The following MPP7 variants were observed in gnomAD, a reference collection of about 807,000 sequenced individuals.
MPP7 encodes MAGUK p55 scaffold protein 7.
A neutral mutation model predicts 76.5 loss-of-function variants in MPP7; 60 were observed. The ratio of observed to expected loss-of-function variants is 0.78; its 90% CI spans 0.64 to 0.97. The LOEUF is 0.97. MPP7 is among the 50% of genes least tolerant of loss of function. The probability of loss-of-function intolerance (pLI) is 0.00; values close to 1 mark genes in which losing one functional copy is unlikely to be tolerated. For missense variants in MPP7, 641 were observed against 694.0 expected (o/e 0.92, Z 0.86); for synonymous variants, 237 against 244.5 (o/e 0.97, Z 0.29).
rs544739343 is a variant in MPP7, at chr10:28,333,065, G to A, written c.-206+1353C>T. ...GTCTGGGGACACAGGCTATGCTTAT[G>A]GCATTGTGAGAATTCTACTTAACTT... On this transcript the variant is annotated intron_variant, in intron 1 of 11. Coordinates refer to the MPP7 transcript ENST00000441595. 3.9e-5 allele frequency among the ~76,000 whole-genome samples: 6 copies of A among 152,220 alleles called. No homozygotes were observed. The South Asian group carries it at 6.2e-4, about 16-fold the overall frequency.
At chr10:28,159,453 A>T (rs1836183045) in intron 3 of MPP7, among the ~76,000 whole-genome samples, 1 of 152,250 alleles carries the variant, frequency 6.6e-6, no homozygotes, top group South Asian at 2.1e-4. Context: ...TATATTTTCC[A>T]AAATAAAAGT....
Position 28,193,313 on chromosome 10 carries a change from G to A in MPP7, c.156+8840C>T, listed in dbSNP as rs185765646. Among the ~76,000 whole-genome samples, 289 of 151,654 alleles carry A rather than the reference G, an allele frequency of 1.9e-3. 2 individuals are homozygous for A. Among genetic ancestry groups the A allele is most frequent in the African/African-American group, 5.8e-3 (238 of 41,342 alleles). On this transcript the variant is annotated intron_variant, in intron 3 of 16. Coordinates refer to ENST00000683449, the MANE Select transcript of MPP7 (RefSeq NM_001318170.2). ...CTGCAAGCTCTGCCTCTCGGGTTCA[G>A]ACCATTCTCCTGCCTCAGCCTCCCG...
chr10:28,119,341 G>A (rs767176436), intron 11 of MPP7, among the ~76,000 whole-genome samples: 3 of 152,048 alleles, frequency 2.0e-5, no homozygotes, highest in African/African-American at 7.2e-5. Flanking sequence ...TTTGAAGAAG[G>A]AAGAGCTGTA....
At chr10:28,135,126 A>T (rs1835313181) in intron 5 of MPP7, among the ~76,000 whole-genome samples, 1 of 152,216 alleles carries the variant, frequency 6.6e-6, no homozygotes, top group Admixed American at 6.5e-5. Context: ...CTGCCCCAGC[A>T]TTGCAGCCTA....
chr10:28,249,288 T>C (rs1839536080), intron 1 of MPP7, among the ~76,000 whole-genome samples: 1 of 152,074 alleles, frequency 6.6e-6, no homozygotes, highest in African/African-American at 2.4e-5. Context: ...ACAAATTAGA[T>C]ATTAAAAGGT....
At chr10:28,177,792 T>C (rs189644736) in intron 3 of MPP7, among the ~76,000 whole-genome samples, 11 of 152,216 alleles carry the variant, frequency 7.2e-5, no homozygotes, top group Admixed American at 6.5e-4. Context: ...AAGTGGGGAA[T>C]TGTTTAAAAG....
At chr10:28,250,500 C>T (rs956164577) in intron 1 of MPP7, among the ~76,000 whole-genome samples, 1 of 152,190 alleles carries the variant, frequency 6.6e-6, no homozygotes, top group African/African-American at 2.4e-5. Context: ...CAGTAATCCT[C>T]AAATTGGTCT....
chr10:28,211,187 C>A (rs1355177158), intron 2 of MPP7, among the ~76,000 whole-genome samples: 2 of 152,020 alleles, frequency 1.3e-5, no homozygotes, highest in African/African-American at 4.8e-5. Flanking sequence ...CAACCTTGAA[C>A]CCCTGGGCTC....
At chr10:28,170,821 G>T (rs1320156841) in intron 3 of MPP7, among the ~76,000 whole-genome samples, 1 of 151,976 alleles carries the variant, frequency 6.6e-6, no homozygotes, top group East Asian at 1.9e-4. Flanking sequence ...TTCATTCATA[G>T]CTCATCTCTG....
chr10:28,191,982 G>A (rs1837425684), intron 3 of MPP7, among the ~76,000 whole-genome samples: 2 of 151,990 alleles, frequency 1.3e-5, no homozygotes, highest in Admixed American at 6.6e-5. Context: ...AAATTAGCCA[G>A]GCGTAGTGAC....
chr10:28,082,498 A>C (rs907921590), intron 12 of MPP7, among the ~76,000 whole-genome samples: 2 of 151,376 alleles, frequency 1.3e-5, no homozygotes, highest in African/African-American at 2.4e-5. Context: ...TCTGTTGCCC[A>C]GCCCAGAATG....
At chr10:28,135,515 C>A (rs1161189298) in intron 5 of MPP7, among the ~76,000 whole-genome samples, 1 of 152,158 alleles carries the variant, frequency 6.6e-6, no homozygotes, top group African/African-American at 2.4e-5. Flanking sequence ...AACATTTGGT[C>A]ATATACAGGG....
chr10:28,147,625 G>T, intron 4 of MPP7, 62 bp from the exon 5 acceptor site: 2 of 1,413,600 alleles, frequency 1.4e-6, no homozygotes, highest in Non-Finnish European at 2.0e-6. Flanking sequence ...GATTGGGTGT[G>T]TGACAACTGA....
At chr10:28,234,011 C>T (rs758265196) in intron 2 of MPP7, among the ~76,000 whole-genome samples, 2 of 151,916 alleles carry the variant, frequency 1.3e-5, no homozygotes, top group Non-Finnish European at 2.9e-5. Flanking sequence ...CAAAACAAAA[C>T]GAAAAAGAAA....
chr10:28,115,382 C>A (rs192112466), intron 11 of MPP7, among the ~76,000 whole-genome samples: 10 of 152,258 alleles, frequency 6.6e-5, no homozygotes, highest in Non-Finnish European at 1.0e-4. Flanking sequence ...TGATTACAGG[C>A]GTGAGCCGCT....
intron 2 of MPP7, among the ~76,000 whole-genome samples, chr10:28,212,458 C>T (rs1838170575): frequency 1.3e-5 from 2 of 152,174 alleles, no homozygotes; most frequent in South Asian, 2.1e-4. Context: ...TTTGGAATGT[C>T]GATTGGATAC....
intron 12 of MPP7, among the ~76,000 whole-genome samples, chr10:28,073,697 G>A (rs1482561254): frequency 3.3e-5 from 5 of 152,122 alleles, no homozygotes; most frequent in Non-Finnish European, 7.3e-5. Context: ...TTGAATCTGA[G>A]AGGTGGAGGT....
Position 28,272,527 on chromosome 10 carries a change from G to A in MPP7, c.-132+30334C>T, listed in dbSNP as rs115266804. On this transcript the variant is annotated intron_variant, in intron 1 of 16. Coordinates refer to ENST00000683449, the MANE Select transcript of MPP7 (RefSeq NM_001318170.2). ...AATGAAAAGAAGTGCTTTTCATTGG[G>A]GCTTTTCATTTAATGGCTAGAAACA... Among the ~76,000 whole-genome samples, 1,224 of 152,108 alleles carry A rather than the reference G, an allele frequency of 8.0e-3. 17 individuals are homozygous for A. The highest frequency in any genetic ancestry group is 0.028 in the African/African-American group (1,153 of 41,486).
rs192937343 is a variant in MPP7, at chr10:28,209,423, T to C, written c.38-7152A>G. Among the ~76,000 whole-genome samples the C allele has an allele frequency of 3.3e-5, 5 of 151,010 alleles. No homozygotes were observed. The East Asian group carries it at 7.8e-4, about 24-fold the overall frequency. ...GTTCAAGGCTGCAGTGAGCTATGATTGCACCACTGCACTCCAGCCTGAGTG... is the reference window on the plus strand; with the variant it reads ...GTTCAAGGCTGCAGTGAGCTATGATCGCACCACTGCACTCCAGCCTGAGTG... On this transcript the variant is annotated intron_variant, in intron 2 of 16. Transcript: ENST00000683449.
Sources: gnomAD v4.1 joint callset for allele counts (sites outside exome capture counted in the v4.1 genomes callset) on GRCh38, gnomAD v4.1.1 for gene constraint, MANE v1.5 for transcripts, NCBI Gene and HGNC (gene_info 2026-07-23, HGNC 2026-07-21) for gene names.